EPHA4: variants seen among roughly 807,000 people sequenced by gnomAD.
EPHA4 encodes EPH receptor A4, also known as ephrin type-A receptor 4.
In EPHA4, 19 loss-of-function variants were observed where a neutral mutation model predicts 108.3. That is an observed-to-expected ratio of 0.18 (90% CI 0.12 to 0.26). The LOEUF (loss-of-function observed/expected upper bound fraction) is 0.26. Ranked by LOEUF, EPHA4 falls within the 10% of genes least tolerant of loss-of-function variation. EPHA4 has a pLI of 1.00. For synonymous variants in EPHA4, 449 were observed against 455.5 expected, an observed-to-expected ratio of 0.99 and a Z score of 0.18; for missense variants, 917 against 1,254.0, an observed-to-expected ratio of 0.73 and a Z score of 4.06.
intron 5 of EPHA4, among the ~76,000 whole-genome samples, chr2:221,472,288 G>A (rs567398984): frequency 2.4e-5 from 3 of 122,740 alleles, no homozygotes; most frequent in East Asian, 2.5e-4. Context: ...CTCAAAATAC[G>A]CACTTATTTT....
chr2:221,507,252 T>A (rs1435632185), intron 3 of EPHA4, among the ~76,000 whole-genome samples: 1 of 152,186 alleles, frequency 6.6e-6, no homozygotes, highest in Admixed American at 6.5e-5. Context: ...CATAATAAAG[T>A]GCATGTTCTT....
intron 15 of EPHA4, among the ~76,000 whole-genome samples, chr2:221,428,673 G>A (rs909792362): frequency 3.3e-5 from 5 of 152,152 alleles, no homozygotes; most frequent in African/African-American, 1.2e-4. Flanking sequence ...TCACCCTCCT[G>A]GAGAACAGAA....
intron 3 of EPHA4, among the ~76,000 whole-genome samples, chr2:221,555,478 G>T (rs908648206): frequency 6.6e-6 from 1 of 152,212 alleles, no homozygotes; most frequent in Admixed American, 6.5e-5. Flanking sequence ...AAAAGGCTGA[G>T]GTCTCCAAAG....
intron 4 of EPHA4, among the ~76,000 whole-genome samples, chr2:221,495,340 C>T (rs1692267527): frequency 6.6e-6 from 1 of 152,336 alleles, no homozygotes; most frequent in Non-Finnish European, 1.5e-5. Context: ...CTCCTGTCTC[C>T]TGACAGCCGT....
chr2:221,483,949 A>T (rs750488846), intron 4 of EPHA4, among the ~76,000 whole-genome samples: 2 of 152,166 alleles, frequency 1.3e-5, no homozygotes, highest in Non-Finnish European at 2.9e-5. Flanking sequence ...AGACATAGCT[A>T]CTCAGTTTGA....
At chr2:221,546,889 T>C (rs1204892469) in intron 3 of EPHA4, among the ~76,000 whole-genome samples, 2 of 152,226 alleles carry the variant, frequency 1.3e-5, no homozygotes, top group African/African-American at 4.8e-5. Context: ...CCTGTATTAA[T>C]TAGGGTTGTG....
upstream of EPHA4, chr2:221,574,136 T>C (rs1559300972): frequency 1.3e-5 from 2 of 152,174 alleles, no homozygotes; most frequent in Non-Finnish European, 2.9e-5. Flanking sequence ...CGCTGGTTTC[T>C]CATGCAAACT....
At chr2:221,487,320 G>C (rs867718211) in intron 4 of EPHA4, among the ~76,000 whole-genome samples, 1 of 152,210 alleles carries the variant, frequency 6.6e-6, no homozygotes, top group Non-Finnish European at 1.5e-5. Flanking sequence ...TGCAGTGGAT[G>C]TCAGAGCAAG....
intron 3 of EPHA4, 97 bp from the exon 4 acceptor site, chr2:221,501,269 C>G (rs140742769): frequency 9.1e-7 from 1 of 1,104,034 alleles, no homozygotes; most frequent in Admixed American, 3.1e-5. Context: ...AGAAGGGAGA[C>G]GTTCTTGCTA....
chr2:221,563,680 A>C (rs1694534639), intron 3 of EPHA4, 51 bp downstream of exon 3: 1 of 1,577,244 alleles, frequency 6.3e-7, no homozygotes, highest in South Asian at 1.2e-5. Flanking sequence ...TCTCTGATTT[A>C]ATTACTCGCA....
chr2:221,461,156 A>C (rs1691125752), intron 5 of EPHA4, among the ~76,000 whole-genome samples: 1 of 152,238 alleles, frequency 6.6e-6, no homozygotes. Context: ...TGGAGTACTC[A>C]GAATTACTGA....
At position 221,418,208 on chromosome 2, in the gene EPHA4, A is replaced by C. The variant is rs1463411493; in HGVS notation, c.*3164T>G. The C allele has an allele frequency of 6.6e-6, 1 of 152,648 alleles. No homozygotes were observed. Among genetic ancestry groups the C allele is most frequent in the Non-Finnish European group, 1.5e-5 (1 of 68,040 alleles). The allele number at this position is 152,648 out of a possible 1,614,324, so 9.5% of individuals were successfully genotyped here. Reference sequence around the variant, plus strand: ...CTTGACAAATTAAAACAAAATAGAAAATCTATGTCTAACTCCAGAAATCAC... The same window carrying C: ...CTTGACAAATTAAAACAAAATAGAACATCTATGTCTAACTCCAGAAATCAC... On this transcript the variant is annotated 3_prime_UTR_variant, in exon 18 of 18. Transcript: ENST00000281821.
chr2:221,519,189 G>T (rs958606405), intron 3 of EPHA4, among the ~76,000 whole-genome samples: 3 of 152,162 alleles, frequency 2.0e-5, no homozygotes, highest in Admixed American at 2.0e-4. Flanking sequence ...AAAAAACAGT[G>T]CAGTGCAACA....
intron 3 of EPHA4, among the ~76,000 whole-genome samples, chr2:221,515,682 T>G (rs1692968068): frequency 6.6e-6 from 1 of 152,040 alleles, no homozygotes; most frequent in East Asian, 1.9e-4. Flanking sequence ...CTGGGCATAG[T>G]GGCATGCACC....
intron 4 of EPHA4, among the ~76,000 whole-genome samples, chr2:221,483,243 C>T (rs1006987529): frequency 6.6e-5 from 10 of 152,058 alleles, no homozygotes; most frequent in Non-Finnish European, 1.5e-4. Context: ...TGGTTTAACG[C>T]GGTTGCAGAG....
chr2:221,526,760 T>A (rs887811320), intron 3 of EPHA4, among the ~76,000 whole-genome samples: 1 of 148,362 alleles, frequency 6.7e-6, no homozygotes, highest in African/African-American at 2.5e-5. Flanking sequence ...GGCAGGAGAA[T>A]TGCTCGAACC....
chr2:221,522,476 T>C (rs1243598517), intron 3 of EPHA4, among the ~76,000 whole-genome samples: 1 of 152,162 alleles, frequency 6.6e-6, no homozygotes, highest in African/African-American at 2.4e-5. Context: ...ATAAATGATA[T>C]ACGGTAACAG....
rs1692472692 is a variant in EPHA4 at position 221,501,053 on chromosome 2, T to C, written c.943A>G (p.Arg315Gly). ...TSCTCDRGFF[R>G]ADNDAASMPC... ...ATAGAGGCAGCATCGTTGTCAGCTC[T>C]GAAAAAGCCTCGGTCACAGGTGCAC... The change falls in exon 4 of 18, where the codon AGA becomes GGA. Residue 315 changes from arginine to glycine, a missense_variant. Arg to Gly is a moderately radical substitution (Grantham distance 125). Coordinates refer to ENST00000281821, the MANE Select transcript of EPHA4 (RefSeq NM_004438.5). 6.2e-7 allele frequency: 1 copy of C among 1,612,798 alleles called. No individual in the cohort carries two copies. Among genetic ancestry groups the C allele is most frequent in the Non-Finnish European group, 8.5e-7 (1 of 1,179,420 alleles).
intron 4 of EPHA4, among the ~76,000 whole-genome samples, chr2:221,491,964 G>C (rs1337355380): frequency 6.6e-6 from 1 of 151,978 alleles, no homozygotes. Flanking sequence ...GCAGTGAGCT[G>C]AGATTGCACC....
Sources: gnomAD v4.1 joint callset for allele counts (sites outside exome capture counted in the v4.1 genomes callset) on GRCh38, gnomAD v4.1.1 for gene constraint, MANE v1.5 for transcripts, NCBI Gene and HGNC (gene_info 2026-07-23, HGNC 2026-07-21) for gene names.